The following RABGAP1L variants were observed in gnomAD, a reference collection of about 807,000 sequenced individuals.
RABGAP1L encodes rab GTPase-activating protein 1-like.
RABGAP1L carries 63 observed loss-of-function variants against 137.7 expected under a neutral mutation model. The ratio of observed to expected loss-of-function variants is 0.46; its 90% confidence interval spans 0.37 to 0.56. The LOEUF (loss-of-function observed/expected upper bound fraction) is 0.56, where lower values mean the gene tolerates loss of function less well. RABGAP1L is among the 20% of genes least tolerant of loss of function. The pLI, the probability that RABGAP1L is intolerant of heterozygous loss-of-function variation, is 0.00. For missense variants in RABGAP1L, 1,095 were observed against 1,244.0 expected (o/e 0.88, Z 1.80); for synonymous variants, 431 against 433.7 (o/e 0.99, Z 0.08).
intron 3 of RABGAP1L, among the ~76,000 whole-genome samples, chr1:174,222,427 C>G (rs2148474288): frequency 6.6e-6 from 1 of 152,222 alleles, no homozygotes; most frequent in South Asian, 2.1e-4. Context: ...ACAGTGCCTT[C>G]CATGGCAAGG....
At chr1:174,226,409 G>T (rs1439422174) in intron 3 of RABGAP1L, among the ~76,000 whole-genome samples, 1 of 152,202 alleles carries the variant, frequency 6.6e-6, no homozygotes, top group Admixed American at 6.5e-5. Context: ...AAAAAAGAAA[G>T]AAAGAGTCCT....
intron 13 of RABGAP1L, among the ~76,000 whole-genome samples, chr1:174,460,487 T>C (rs992566674): frequency 2.6e-5 from 4 of 152,118 alleles, no homozygotes; most frequent in Non-Finnish European, 4.4e-5. Context: ...TAAACATTTT[T>C]CCATATTATT....
At chr1:174,366,778 GAAAAAAAAAAAAAAAA>G (rs71117562) in intron 11 of RABGAP1L, among the ~76,000 whole-genome samples, 9 of 94,822 alleles carry the variant, frequency 9.5e-5, no homozygotes, top group Admixed American at 2.5e-4. Context: ...CCGTCTCCAG[GAAAAAAAAAAAAAAAA>G]AAAAAAAAAA....
chr1:174,392,858 A>G (rs1466026540), intron 12 of RABGAP1L, among the ~76,000 whole-genome samples: 1 of 152,210 alleles, frequency 6.6e-6, no homozygotes, highest in Non-Finnish European at 1.5e-5. Flanking sequence ...AAACCAGAGT[A>G]CATTGTCAAG....
chr1:174,821,593 T>C (rs1691032381), intron 19 of RABGAP1L, among the ~76,000 whole-genome samples: 1 of 152,234 alleles, frequency 6.6e-6, no homozygotes, highest in African/African-American at 2.4e-5. Flanking sequence ...TTTTTGAAAA[T>C]AACTTTCACA....
chr1:174,800,575 A>G, intron 18 of RABGAP1L: 4 of 1,502,922 alleles, frequency 2.7e-6, no homozygotes, highest in Non-Finnish European at 3.6e-6. Context: ...TATCTCTGAA[A>G]GAGGCTTGTT....
chr1:174,220,266 T>A (rs56338048), intron 2 of RABGAP1L, among the ~76,000 whole-genome samples: 2 of 152,010 alleles, frequency 1.3e-5, no homozygotes, highest in African/African-American at 4.8e-5. Flanking sequence ...AAATATAACC[T>A]TTTAAATGAT....
intron 1 of RABGAP1L, among the ~76,000 whole-genome samples, chr1:174,214,460 A>G (rs1329096708): frequency 6.6e-6 from 1 of 152,204 alleles, no homozygotes; most frequent in Non-Finnish European, 1.5e-5. Context: ...TAACAATGAC[A>G]TTCTTCACAG....
intron 11 of RABGAP1L, among the ~76,000 whole-genome samples, chr1:174,360,375 G>A (rs1272726119): frequency 6.6e-6 from 1 of 152,058 alleles, no homozygotes; most frequent in Non-Finnish European, 1.5e-5. Flanking sequence ...AGATACTGTT[G>A]GAGGTACTGA....
intron 10 of RABGAP1L, among the ~76,000 whole-genome samples, chr1:174,281,674 C>T (rs1252189259): frequency 6.6e-6 from 1 of 152,170 alleles, no homozygotes; most frequent in Non-Finnish European, 1.5e-5. Context: ...CAAGTAGGCC[C>T]CTGGCCATGT....
chr1:174,562,105 A>G (rs930783357), intron 13 of RABGAP1L, among the ~76,000 whole-genome samples: 4 of 152,214 alleles, frequency 2.6e-5, no homozygotes, highest in African/African-American at 4.8e-5. Context: ...CAATCTATCC[A>G]TCTGACAAAG....
intron 19 of RABGAP1L, among the ~76,000 whole-genome samples, chr1:174,921,465 AC>A (rs1661793352): frequency 6.6e-6 from 1 of 152,248 alleles, no homozygotes; most frequent in African/African-American, 2.4e-5. Flanking sequence ...ATAAAGGTGT[AC>A]AATTCTTCAA....
chr1:174,501,144 A>G (rs1384635734), intron 13 of RABGAP1L, among the ~76,000 whole-genome samples: 2 of 152,062 alleles, frequency 1.3e-5, no homozygotes, highest in Admixed American at 1.3e-4. Flanking sequence ...CTTGGGAAAG[A>G]CACAGAATCT....
intron 19 of RABGAP1L, among the ~76,000 whole-genome samples, chr1:174,833,466 A>ATATATATATAAT (rs71117580): frequency 1.6e-5 from 1 of 61,120 alleles, no homozygotes; most frequent in Non-Finnish European, 4.1e-5. Context: ...ATATATATAT[A>ATATATATATAAT]TAGTAGAGAC....
At chr1:174,640,947 A>AAT (rs1374531552) in intron 14 of RABGAP1L, among the ~76,000 whole-genome samples, 1 of 145,110 alleles carries the variant, frequency 6.9e-6, no homozygotes, top group East Asian at 2.0e-4. Context: ...TATTAAATAT[A>AAT]ATATAATATA....
At chr1:174,323,592 T>G (rs1340431078) in intron 11 of RABGAP1L, among the ~76,000 whole-genome samples, 1 of 152,148 alleles carries the variant, frequency 6.6e-6, no homozygotes, top group African/African-American at 2.4e-5. Flanking sequence ...AAACTGTATC[T>G]TCCACTATTG....
intron 11 of RABGAP1L, among the ~76,000 whole-genome samples, chr1:174,316,827 A>G (rs186052420): frequency 2.6e-5 from 4 of 152,114 alleles, no homozygotes; most frequent in African/African-American, 9.7e-5. Context: ...TTGTTCTGTC[A>G]TACTGCCCCT....
At chr1:174,371,848 T>G (rs1346101666) in intron 12 of RABGAP1L, among the ~76,000 whole-genome samples, 1 of 152,198 alleles carries the variant, frequency 6.6e-6, no homozygotes, top group African/African-American at 2.4e-5. Context: ...CTTTTATCCT[T>G]TCAAGAGAAA....
chr1:174,448,146 T>C lies in RABGAP1L; in HGVS notation c.1710+54001T>C, dbSNP rs1326294399. ...TCCAGGTGGACTGAATGGAGGATCC[T>C]GAACATGAGCAGTGGCATTGTGAAT... On this transcript the variant is annotated intron_variant, in intron 13 of 25. Transcript: ENST00000681986. This position sits in a 1 kb window ranked among gnomAD's most constrained non-coding sequence, Gnocchi z 4.2. 6.2e-7 allele frequency: 1 copy of C among 1,613,274 alleles called. No individual in the cohort carries two copies. The highest frequency in any genetic ancestry group is 8.5e-7 in the Non-Finnish European group (1 of 1,179,346).
Sources: gnomAD v4.1 joint callset for allele counts (sites outside exome capture counted in the v4.1 genomes callset) on GRCh38, gnomAD v4.1.1 for gene constraint, Gnocchi (gnomAD v3.1) non-coding constraint, MANE v1.5 for transcripts, NCBI Gene and HGNC (gene_info 2026-07-23, HGNC 2026-07-21) for gene names.